ATP6AP2: variants seen among roughly 807,000 people sequenced by gnomAD.
The protein encoded by ATP6AP2 is renin receptor.
In ATP6AP2, 1 loss-of-function variant was observed where a neutral mutation model predicts 23.4. The ratio of observed to expected loss-of-function variants is 0.04; its 90% CI spans 0.02 to 0.20. ATP6AP2 has a LOEUF of 0.20. Among genes scored for constraint, ATP6AP2 ranks in the 10% least tolerant of loss-of-function variants. The probability of loss-of-function intolerance (pLI) is 1.00; values close to 1 mark genes in which losing one functional copy is unlikely to be tolerated. For synonymous variants in ATP6AP2, 90 were observed against 97.1 expected (o/e 0.93, Z 0.43); for missense variants, 174 against 271.3 (o/e 0.64, Z 2.52).
At chrX:40,583,277 T>C (rs940862294) in intron 1 of ATP6AP2, among the ~76,000 whole-genome samples, 2 of 111,558 alleles carry the variant, frequency 1.8e-5, no homozygotes, top group African/African-American at 6.5e-5. Flanking sequence ...CCACCATTCG[T>C]AGACGATAAT....
rs1453169786 is a variant in ATP6AP2 at position 40,606,513 on chromosome X, A to G, written c.*758A>G. ...AGTAACTTTTCCCCCTGTGTAAGTT[A>G]CTATGGTTTGTGGTACAACTTCATT... On this transcript the variant is annotated 3_prime_UTR_variant, in exon 9 of 9. Transcript: ENST00000636580. 1 of 112,589 alleles carries G rather than the reference A, an allele frequency of 8.9e-6. No homozygotes were observed. The highest frequency in any genetic ancestry group is 2.8e-4 in the East Asian group (1 of 3,614). The allele number at this position is 112,589 out of a possible 1,213,427, so 9.3% of individuals were successfully genotyped here.
chrX:40,605,397 G>A (rs941966101), intron 8 of ATP6AP2, 164 bp from the exon 9 acceptor site: 46 of 471,798 alleles, frequency 9.7e-5, no homozygotes, highest in Middle Eastern at 1.2e-3. Flanking sequence ...TGCAAGTGTC[G>A]TCTCCACAAA....
At position 40,602,036 on chromosome X, in the gene ATP6AP2, CT is replaced by C. The variant is rs1180843750; in HGVS notation, c.858+1158del. 3.9e-3 allele frequency among the ~76,000 whole-genome samples: 354 copies of C among 89,957 alleles called. 4 individuals are homozygous for C. The highest frequency in any genetic ancestry group is 0.019 in the African/African-American group (263 of 13,679). The allele number at this position is 89,957 out of a possible 115,157, so 78.1% of individuals were successfully genotyped here. On this transcript the variant is annotated intron_variant, in intron 8 of 8. Transcript: ENST00000636580. ...GTGGCTCACGCCTGTAATCCCAGCA[CT>C]TTGGGAGGTTGAGGCGGGCGGAACA...
At chrX:40,599,261 A>C (rs1926844839) in intron 6 of ATP6AP2, 2 of 270,828 alleles carry the variant, frequency 7.4e-6, no homozygotes, top group South Asian at 9.5e-5. Flanking sequence ...AGTGTAGTGC[A>C]TTCCTGGGAT....
In ATP6AP2 at chrX:40,605,596, G is replaced by C; in HGVS notation, c.894G>C (p.Lys298Asn). The C allele has an allele frequency of 8.3e-7, 1 of 1,209,309 alleles. No individual in the cohort carries two copies. Among genetic ancestry groups the C allele is most frequent in the Non-Finnish European group, 1.1e-6 (1 of 893,701 alleles). ...CAAGTCCCTATAACCTTGCATATAA[G>C]TATAATTTTGAATATTCCGTGGTTT... ...NPASPYNLAYKYNFEYSVVFN... is the reference protein window; with the variant it reads ...NPASPYNLAYNYNFEYSVVFN... Residue 298 changes from lysine (K) to asparagine (N), a missense_variant, in exon 9 of 9, where the codon AAG becomes AAC. Transcript: ENST00000636580.
At chrX:40,598,524 T>C in intron 5 of ATP6AP2, 157 bp from the exon 6 acceptor site, 1 of 554,151 alleles carries the variant, frequency 1.8e-6, no homozygotes, top group Non-Finnish European at 3.0e-6. Flanking sequence ...TTTATATGCA[T>C]TTTCAATTGA....
intron 3 of ATP6AP2, chrX:40,591,579 T>G (rs1926630321): frequency 1.2e-5 from 5 of 416,331 alleles, no homozygotes; most frequent in Non-Finnish European, 2.0e-5. Context: ...GAGAGTACTG[T>G]TTAAGATAAG....
chrX:40,591,568 T>C (rs1406907163), intron 3 of ATP6AP2: 25 of 445,930 alleles, frequency 5.6e-5, no homozygotes, highest in Non-Finnish European at 7.8e-5. Context: ...TCTCTGTGGA[T>C]GAGAGTACTG....
rs1362449866 is a variant in ATP6AP2, at chrX:40,598,621, C to A, written c.535-60C>A. ...ATCCTGTGCCTTGCTTGGTAAATGG[C>A]AAATAAAGATCTCTGGTGCACATTT... On this transcript the variant is annotated intron_variant, in intron 5 of 8. Transcript: ENST00000636580. 9 of 1,075,192 alleles carry A rather than the reference C, an allele frequency of 8.4e-6. No individual in the cohort carries two copies. The Admixed American group carries it at 1.8e-4, about 21-fold the overall frequency. 88.6% of individuals were successfully genotyped at this position (1,075,192 alleles called of 1,213,427 possible). A position where few individuals can be genotyped will look rare whatever the true frequency, so the allele number is the denominator to read the frequency against.
rs770714579 is a variant in ATP6AP2, at chrX:40,599,730, G to A, written c.727G>A (p.Ala243Thr). 5.0e-6 allele frequency: 6 copies of A among 1,210,791 alleles called. No homozygotes were observed. Among genetic ancestry groups the A allele is most frequent in the South Asian group, 3.5e-5 (2 of 56,974 alleles). ...FRDASKILVD[A>T]LQKFADDMYS... ...AGATGCTTCTAAGATCCTTGTTGAC[G>A]CTCTGCAAAAGGTAAATATCAATGC... The change falls in exon 7 of 9, where the codon GCT (alanine) becomes ACT (threonine). Residue 243 changes from alanine to threonine, a missense_variant. Physicochemically the swap from Ala to Thr is moderately conservative, Grantham distance 58 (BLOSUM62 0). Coordinates refer to ENST00000636580, the MANE Select transcript of ATP6AP2 (RefSeq NM_005765.3).
chrX:40,593,836 C>T (rs1029321765), intron 3 of ATP6AP2, among the ~76,000 whole-genome samples: 8 of 111,292 alleles, frequency 7.2e-5, no homozygotes, highest in African/African-American at 2.6e-4. Context: ...TTTATCCATT[C>T]GTTTGATTAT....
At chrX:40,588,649 T>C (rs1569258964) in intron 1 of ATP6AP2, among the ~76,000 whole-genome samples, 2 of 110,825 alleles carry the variant, frequency 1.8e-5, no homozygotes, top group South Asian at 3.8e-4. Flanking sequence ...AAGGTGTCTA[T>C]ATCATTAGGA....
At chrX:40,596,026 A>G (rs1926767149) in intron 3 of ATP6AP2, 1 of 110,552 alleles carries the variant, frequency 9.0e-6, no homozygotes, top group African/African-American at 3.3e-5. Flanking sequence ...TAAAAATACA[A>G]AAATTAGCCA....
rs768196393 is a variant in ATP6AP2 at position 40,597,377 on chromosome X, A to T, written c.396+33A>T. 20 of 1,110,927 alleles carry T rather than the reference A, an allele frequency of 1.8e-5. No individual in the cohort carries two copies. In the South Asian group the frequency reaches 3.7e-4, roughly 20 times the overall value. The allele number at this position is 1,110,927 out of a possible 1,213,427, so 91.6% of individuals were successfully genotyped here. Reference sequence around the variant, plus strand: ...ATAAGGGTTTTATTCAAGACATTTTAAAAAATAAGCTTTTATTATTTGAAA... The same window carrying T: ...ATAAGGGTTTTATTCAAGACATTTTTAAAAATAAGCTTTTATTATTTGAAA... On this transcript the variant is annotated intron_variant, in intron 4 of 8. Coordinates refer to ENST00000636580, the MANE Select transcript of ATP6AP2 (RefSeq NM_005765.3).
rs1926553686 is a variant in ATP6AP2 at position 40,589,046 on chromosome X, G to A, written c.98G>A (p.Gly33Glu). Residue 33 changes from glycine (G) to glutamate (E), a missense_variant, in exon 2 of 9, where the codon GGA becomes GAA. By Grantham distance (98) the Gly-to-Glu change is moderately conservative. Coordinates refer to ENST00000636580, the MANE Select transcript of ATP6AP2 (RefSeq NM_005765.3). ...KSPGSVVFRN[G>E]NWPIPGERIP... ...CCAGGGTCTGTTGTTTTCCGAAATG[G>A]AAATTGGCCTATACCAGGAGAGCGG... 1 of 1,207,385 alleles carries A rather than the reference G, an allele frequency of 8.3e-7. No individual in the cohort carries two copies. Among genetic ancestry groups the A allele is most frequent in the African/African-American group, 1.8e-5 (1 of 57,093 alleles).
At chrX:40,581,276 C>T (rs1265412976) in intron 1 of ATP6AP2, among the ~76,000 whole-genome samples, 174 bp downstream of exon 1, 1 of 113,305 alleles carries the variant, frequency 8.8e-6, no homozygotes, top group African/African-American at 3.2e-5. Flanking sequence ...TCGGCCGTGG[C>T]GGCGCGGCCT....
At chrX:40,601,568 G>A (rs1926905695) in intron 8 of ATP6AP2, among the ~76,000 whole-genome samples, 1 of 112,039 alleles carries the variant, frequency 8.9e-6, no homozygotes, top group Non-Finnish European at 1.9e-5. Flanking sequence ...GTATGTACGT[G>A]CACATTTACA....
chrX:40,606,322 C>T lies in ATP6AP2; in HGVS notation c.*567C>T. The T allele has an allele frequency of 8.8e-6, 1 of 113,722 alleles. No individual in the cohort carries two copies. The highest frequency in any genetic ancestry group is 1.8e-5 in the Non-Finnish European group (1 of 54,405). 9.4% of individuals were successfully genotyped at this position (113,722 alleles called of 1,213,427 possible). A position where few individuals can be genotyped will look rare whatever the true frequency, so the allele number is the denominator to read the frequency against. On this transcript the variant is annotated 3_prime_UTR_variant, in exon 9 of 9. Transcript: ENST00000636580. ...GTAACAGAGGACAGCTGTTTTTTAACCCTCTTCTGCAAGTTTGTTGACCTA... is the reference window on the plus strand; with the variant it reads ...GTAACAGAGGACAGCTGTTTTTTAATCCTCTTCTGCAAGTTTGTTGACCTA...
chrX:40,597,486 G>T, intron 4 of ATP6AP2, 41 bp from the exon 5 acceptor site: 1 of 1,190,483 alleles, frequency 8.4e-7, no homozygotes, highest in Non-Finnish European at 1.1e-6. Flanking sequence ...GAACTAATCT[G>T]TAGAATTTGA....
Sources: allele counts gnomAD v4.1 joint callset (sites outside exome capture counted in the v4.1 genomes callset), GRCh38; gene constraint gnomAD v4.1.1; transcripts MANE v1.5; gene names NCBI Gene and HGNC (gene_info 2026-07-23, HGNC 2026-07-21).